EIF4G3: variants seen among roughly 807,000 people sequenced by gnomAD.
The protein encoded by EIF4G3 is eukaryotic translation initiation factor 4 gamma 3.
EIF4G3 carries 34 observed loss-of-function variants against 186.4 expected under a neutral mutation model. That is an observed-to-expected ratio of 0.18 (90% CI 0.14 to 0.24). EIF4G3 has a LOEUF of 0.24. EIF4G3 is among the 10% of genes least tolerant of loss of function. The pLI, the probability that EIF4G3 is intolerant of heterozygous loss-of-function variation, is 1.00. For missense variants in EIF4G3, 1,536 were observed against 1,948.5 expected (o/e 0.79, Z 3.99); for synonymous variants, 673 against 679.5 (o/e 0.99, Z 0.15).
At chr1:21,023,150 G>A (rs950187560) in intron 4 of EIF4G3, among the ~76,000 whole-genome samples, 28 of 151,946 alleles carry the variant, frequency 1.8e-4, no homozygotes, top group South Asian at 8.3e-4. Flanking sequence ...AAAAAGACAC[G>A]ATTCCTATGC....
At chr1:20,967,636 G>C (rs2074987644) in intron 12 of EIF4G3, among the ~76,000 whole-genome samples, 1 of 152,138 alleles carries the variant, frequency 6.6e-6, no homozygotes, top group African/African-American at 2.4e-5. Context: ...ATTTCCAAGA[G>C]AAAACATATC....
chr1:21,150,706 G>A (rs2097535701), intron 2 of EIF4G3, among the ~76,000 whole-genome samples: 1 of 152,232 alleles, frequency 6.6e-6, no homozygotes, highest in Non-Finnish European at 1.5e-5. Context: ...GCCGGGTGCG[G>A]TGGCTCAGGC....
chr1:21,074,499 T>G (rs2095529297), intron 3 of EIF4G3, among the ~76,000 whole-genome samples: 1 of 152,168 alleles, frequency 6.6e-6, no homozygotes, highest in Non-Finnish European at 1.5e-5. Flanking sequence ...CTAACTATGG[T>G]CAGTTATCAT....
rs78747251 is a variant in EIF4G3, at chr1:20,861,991, G to A, written c.3111+237C>T. On this transcript the variant is annotated intron_variant, in intron 23 of 36. Coordinates refer to ENST00000602326, the MANE Select transcript of EIF4G3 (RefSeq NM_001391906.1). ...TCTATCTCAAAAAAAAAAACAAAGC[G>A]CAAACAAAATTGCAATATGGTTTGA... Among the ~76,000 whole-genome samples, 610 of 151,772 alleles carry A rather than the reference G, an allele frequency of 4.0e-3. 6 individuals are homozygous for A. Among genetic ancestry groups the A allele is most frequent in the African/African-American group, 0.014 (569 of 41,416 alleles).
Position 21,112,514 on chromosome 1 carries a change from CCTTA to C in EIF4G3, c.-271-23305_-271-23302del, listed in dbSNP as rs1012449307. On this transcript the variant is annotated intron_variant, in intron 2 of 36. Coordinates refer to ENST00000602326, the MANE Select transcript of EIF4G3 (RefSeq NM_001391906.1). ...TACTTCCTAAATTCAATTAAAATGC[CCTTA>C]CTGAGAAAAAAAAATCCTACAAACT... Among the ~76,000 whole-genome samples, 33 of 151,896 alleles carry C rather than the reference CCTTA, an allele frequency of 2.2e-4. 2 individuals carry two copies. The highest frequency in any genetic ancestry group is 3.9e-4 in the African/African-American group (16 of 41,440).
chr1:21,131,110 C>T (rs972377989), intron 2 of EIF4G3, among the ~76,000 whole-genome samples: 6 of 151,810 alleles, frequency 4.0e-5, no homozygotes, highest in East Asian at 1.9e-4. Flanking sequence ...CATGCTGGTG[C>T]GCGCCTGTAA....
At position 21,014,483 on chromosome 1, in the gene EIF4G3, G is replaced by A. The variant is rs575746708; in HGVS notation, c.-66-11675C>T. Among the ~76,000 whole-genome samples the A allele has an allele frequency of 2.0e-5, 3 of 152,176 alleles. No homozygotes were observed. In the East Asian group the frequency reaches 5.8e-4, roughly 29 times the overall value. ...TCTCACCCTCCTCCCACCATCCATCGTCAAGTAGGCCCCAAGGTCTGTTGT... is the reference window on the plus strand; with the variant it reads ...TCTCACCCTCCTCCCACCATCCATCATCAAGTAGGCCCCAAGGTCTGTTGT... On this transcript the variant is annotated intron_variant, in intron 4 of 36. Coordinates refer to ENST00000602326, the MANE Select transcript of EIF4G3 (RefSeq NM_001391906.1).
chr1:20,939,280 C>T (rs2095625491), intron 14 of EIF4G3, among the ~76,000 whole-genome samples: 1 of 152,022 alleles, frequency 6.6e-6, no homozygotes. Flanking sequence ...AGAAACTTTA[C>T]CTCCCAACAT....
chr1:20,817,828 C>T (rs1169909964), intron 33 of EIF4G3, among the ~76,000 whole-genome samples: 1 of 151,842 alleles, frequency 6.6e-6, no homozygotes, highest in South Asian at 2.1e-4. Flanking sequence ...ACCCACACCA[C>T]CACACTTGGC....
At chr1:21,070,097 T>C (rs1446774266) in intron 3 of EIF4G3, among the ~76,000 whole-genome samples, 3 of 152,268 alleles carry the variant, frequency 2.0e-5, no homozygotes, top group South Asian at 2.1e-4. Context: ...CACAACTTAT[T>C]ACTGCTAATA....
chr1:20,825,814 C>T (rs2063469194), intron 32 of EIF4G3, among the ~76,000 whole-genome samples: 1 of 152,162 alleles, frequency 6.6e-6, no homozygotes, highest in African/African-American at 2.4e-5. Flanking sequence ...GCTCCTGAAC[C>T]AGGAATGAGA....
chr1:20,887,398 A>C (rs989276781), intron 18 of EIF4G3, among the ~76,000 whole-genome samples: 2 of 152,156 alleles, frequency 1.3e-5, no homozygotes, highest in Admixed American at 1.3e-4. Flanking sequence ...AATGTCATTC[A>C]TTACATAAAA....
intron 4 of EIF4G3, among the ~76,000 whole-genome samples, chr1:21,010,439 AAAAAG>A (rs1170527797): frequency 7.1e-6 from 1 of 141,598 alleles, no homozygotes; most frequent in East Asian, 1.9e-4. Context: ...AAAAAAAAAG[AAAAAG>A]AAAAAGAAAG....
intron 2 of EIF4G3, among the ~76,000 whole-genome samples, chr1:21,174,531 G>C (rs184811178): frequency 6.6e-6 from 1 of 152,140 alleles, no homozygotes; most frequent in Admixed American, 6.6e-5. Context: ...GCACAATTCA[G>C]AAACTTAAAA....
intron 7 of EIF4G3, among the ~76,000 whole-genome samples, chr1:20,985,471 G>A (rs1278711151): frequency 6.6e-6 from 1 of 150,582 alleles, no homozygotes; most frequent in Non-Finnish European, 1.5e-5. Flanking sequence ...ACACACACAC[G>A]TGCACCAGAA....
intron 4 of EIF4G3, chr1:21,003,578 GT>G (rs2084189307): frequency 3.5e-6 from 1 of 289,680 alleles, no homozygotes; most frequent in African/African-American, 2.3e-5. Flanking sequence ...CCTCCTATGT[GT>G]TTCACCTTGC....
In EIF4G3 at chr1:21,053,006, G is replaced by A. The variant is rs1309453418; in HGVS notation, c.-195-2012C>T. ...GCAGCCTCTGCCCGGCCGCCACCCCGTCTGGGAAGTGAGGAGCGTCTCTGC... is the reference window on the plus strand; with the variant it reads ...GCAGCCTCTGCCCGGCCGCCACCCCATCTGGGAAGTGAGGAGCGTCTCTGC... On this transcript the variant is annotated intron_variant, in intron 3 of 36. Transcript: ENST00000602326. Among the ~76,000 whole-genome samples the A allele has an allele frequency of 1.6e-3, 237 of 149,888 alleles. 1 individual carries two copies. Among genetic ancestry groups the A allele is most frequent in the African/African-American group, 5.5e-3 (227 of 41,192 alleles).
At chr1:21,023,682 C>CGTCTGG (rs1425183848) in intron 4 of EIF4G3, among the ~76,000 whole-genome samples, 8 of 151,828 alleles carry the variant, frequency 5.3e-5, no homozygotes, top group Non-Finnish European at 8.8e-5. Flanking sequence ...GCCGCCACCC[C>CGTCTGG]GTCTGGGAAG....
At chr1:20,824,262 A>G (rs1006462220) in intron 33 of EIF4G3, among the ~76,000 whole-genome samples, 14 of 152,358 alleles carry the variant, frequency 9.2e-5, no homozygotes, top group Middle Eastern at 3.4e-3. Context: ...AGTGTTCCAG[A>G]CTACAACCAA....
Sources: gnomAD v4.1 joint callset for allele counts (sites outside exome capture counted in the v4.1 genomes callset) on GRCh38, gnomAD v4.1.1 for gene constraint, MANE v1.5 for transcripts, NCBI Gene and HGNC (gene_info 2026-07-23, HGNC 2026-07-21) for gene names.